TNR: variants seen among roughly 807,000 people sequenced by gnomAD.
TNR encodes tenascin-R.
Under a neutral mutation model 150.4 loss-of-function variants are expected in TNR, and 45 were observed. The observed-to-expected ratio is 0.30, with a 90% confidence interval of 0.24 to 0.38. The LOEUF is 0.38. Ranked by LOEUF, TNR falls within the 10% of genes least tolerant of loss-of-function variation. The pLI, the probability that TNR is intolerant of heterozygous loss-of-function variation, is 1.00. For missense variants in TNR, 1,544 were observed against 1,759.1 expected (o/e 0.88, Z 2.19); for synonymous variants, 687 against 678.4 (o/e 1.01, Z -0.20).
chr1:175,617,995 T>C lies in TNR; in HGVS notation c.-164-89626A>G, dbSNP rs771835505. ...ACTCTGGACTTCAAACTTGACTTCCTGCATCACTCCTAGGTAGAAGTACCT... is the reference window on the plus strand; with the variant it reads ...ACTCTGGACTTCAAACTTGACTTCCCGCATCACTCCTAGGTAGAAGTACCT... On this transcript the variant is annotated intron_variant, in intron 1 of 22. Transcript: ENST00000367674. 9.8e-5 allele frequency among the ~76,000 whole-genome samples: 15 copies of C among 152,352 alleles called. 1 individual carries two copies. The highest frequency in any genetic ancestry group is 1.9e-4 in the Non-Finnish European group (13 of 68,040).
intron 2 of TNR, among the ~76,000 whole-genome samples, chr1:175,482,079 G>A (rs187617830): frequency 6.6e-6 from 1 of 152,330 alleles, no homozygotes; most frequent in African/African-American, 2.4e-5. Context: ...AATGTAAGCT[G>A]TGAGTTCAAG....
At chr1:175,673,592 G>A (rs756194091) in intron 1 of TNR, among the ~76,000 whole-genome samples, 2 of 152,224 alleles carry the variant, frequency 1.3e-5, no homozygotes, top group African/African-American at 2.4e-5. Context: ...TGCCTCCTCT[G>A]AACTCAGCTC....
chr1:175,657,363 A>G (rs901679613), intron 1 of TNR, among the ~76,000 whole-genome samples: 6 of 152,134 alleles, frequency 3.9e-5, no homozygotes, highest in Admixed American at 2.0e-4. Context: ...TCAGTGTGGC[A>G]ATTCCTCAGG....
chr1:175,566,934 C>A (rs913484333), intron 1 of TNR, among the ~76,000 whole-genome samples: 1 of 152,208 alleles, frequency 6.6e-6, no homozygotes, highest in African/African-American at 2.4e-5. Flanking sequence ...TCTGCAGCTA[C>A]TGTCCCTACT....
At chr1:175,503,316 C>G (rs1658818281) in intron 2 of TNR, among the ~76,000 whole-genome samples, 1 of 152,122 alleles carries the variant, frequency 6.6e-6, no homozygotes, top group South Asian at 2.1e-4. Flanking sequence ...AAGCGACAGA[C>G]CCACGTTCTT....
intron 2 of TNR, among the ~76,000 whole-genome samples, chr1:175,500,771 G>A (rs529634177): frequency 3.9e-5 from 6 of 152,314 alleles, no homozygotes; most frequent in African/African-American, 1.4e-4. Flanking sequence ...CTGTTCAAAG[G>A]GGCTGGACAG....
chr1:175,352,584 C>T (rs1651105169), intron 18 of TNR, among the ~76,000 whole-genome samples: 1 of 152,094 alleles, frequency 6.6e-6, no homozygotes, highest in South Asian at 2.1e-4. Flanking sequence ...GACACCTTTG[C>T]AAGAGCATGG....
intron 1 of TNR, among the ~76,000 whole-genome samples, chr1:175,640,066 C>T (rs1376552087): frequency 6.6e-6 from 1 of 152,160 alleles, no homozygotes; most frequent in African/African-American, 2.4e-5. Context: ...ATATTTGTTG[C>T]CTGAATGAAT....
At chr1:175,486,437 C>T (rs924992716) in intron 2 of TNR, among the ~76,000 whole-genome samples, 3 of 152,118 alleles carry the variant, frequency 2.0e-5, no homozygotes, top group African/African-American at 7.2e-5. Flanking sequence ...CATCCATGTC[C>T]CTGTAAAGGA....
chr1:175,566,264 T>TAC (rs1205014653), intron 1 of TNR, among the ~76,000 whole-genome samples: 1 of 152,244 alleles, frequency 6.6e-6, no homozygotes, highest in Non-Finnish European at 1.5e-5. Context: ...CCCTATGATG[T>TAC]AGTTTACTAG....
At chr1:175,465,950 T>C (rs1657015650) in intron 2 of TNR, among the ~76,000 whole-genome samples, 1 of 152,232 alleles carries the variant, frequency 6.6e-6, no homozygotes, top group African/African-American at 2.4e-5. Flanking sequence ...TACATTTTCA[T>C]ACCCTAAATC....
At chr1:175,433,292 C>A (rs754181010) in intron 2 of TNR, among the ~76,000 whole-genome samples, 1 of 152,304 alleles carries the variant, frequency 6.6e-6, no homozygotes, top group Non-Finnish European at 1.5e-5. Flanking sequence ...CTAGTTGATT[C>A]ACTAACCTCA....
chr1:175,721,899 G>T (rs146243319), intron 1 of TNR, among the ~76,000 whole-genome samples: 24 of 139,798 alleles, frequency 1.7e-4, no homozygotes, highest in Non-Finnish European at 2.8e-4. Flanking sequence ...CCCCTCTCTT[G>T]CAATCACAGG....
At chr1:175,601,092 A>G (rs1012441695) in intron 1 of TNR, among the ~76,000 whole-genome samples, 6 of 152,340 alleles carry the variant, frequency 3.9e-5, no homozygotes, top group African/African-American at 1.2e-4. Context: ...GTGCCAAAAT[A>G]TGTTTACATA....
intron 1 of TNR, among the ~76,000 whole-genome samples, chr1:175,703,963 A>G (rs1666772706): frequency 6.6e-6 from 1 of 152,208 alleles, no homozygotes; most frequent in Non-Finnish European, 1.5e-5. Context: ...TGTATTGTGT[A>G]TGGTAGTCAA....
intron 1 of TNR, among the ~76,000 whole-genome samples, chr1:175,696,217 G>GTTTTT (rs5778870): frequency 4.4e-4 from 18 of 40,466 alleles, no homozygotes; most frequent in African/African-American, 1.2e-3. Flanking sequence ...CCTTCCTGTA[G>GTTTTT]TTTTTTTTTT....
At chr1:175,724,729 T>C (rs1421972227) in intron 1 of TNR, among the ~76,000 whole-genome samples, 1 of 152,190 alleles carries the variant, frequency 6.6e-6, no homozygotes. Flanking sequence ...AAGAGAAACT[T>C]AGAAGGTTCT....
chr1:175,444,261 G>A (rs1655930042), intron 2 of TNR, among the ~76,000 whole-genome samples: 2 of 152,246 alleles, frequency 1.3e-5, no homozygotes, highest in Non-Finnish European at 2.9e-5. Flanking sequence ...CCTGCAAGAT[G>A]AGGATGGGTT....
intron 2 of TNR, among the ~76,000 whole-genome samples, chr1:175,433,105 ACAAT>A (rs1305954770): frequency 6.6e-6 from 1 of 152,202 alleles, no homozygotes; most frequent in Non-Finnish European, 1.5e-5. Context: ...TGAAAGCTAC[ACAAT>A]CAGAGAAGTA....
Sources: allele counts gnomAD v4.1 joint callset (sites outside exome capture counted in the v4.1 genomes callset), GRCh38; gene constraint gnomAD v4.1.1; transcripts MANE v1.5; gene names NCBI Gene and HGNC (gene_info 2026-07-23, HGNC 2026-07-21).